The following PRKG1 variants were observed in gnomAD, a reference collection of about 807,000 sequenced individuals.
PRKG1 encodes protein kinase cGMP-dependent 1.
A neutral mutation model predicts 88.1 loss-of-function variants in PRKG1; 35 were observed. The observed-to-expected ratio is 0.40, with a 90% CI of 0.30 to 0.53. The LOEUF (loss-of-function observed/expected upper bound fraction) is 0.53. Ranked by LOEUF, PRKG1 falls within the 20% of genes least tolerant of loss-of-function variation. The pLI, the probability that PRKG1 is intolerant of heterozygous loss-of-function variation, is 0.59. For synonymous variants in PRKG1, 303 were observed against 292.5 expected, an observed-to-expected ratio of 1.04 and a Z score of -0.37; for missense variants, 540 against 839.8, an observed-to-expected ratio of 0.64 and a Z score of 4.41.
intron 2 of PRKG1, among the ~76,000 whole-genome samples, chr10:51,445,698 AGG>A (rs1191562682): frequency 6.6e-6 from 1 of 151,896 alleles, no homozygotes; most frequent in East Asian, 1.9e-4. Flanking sequence ...TTTTAGAAAA[AGG>A]ACATTTTATA....
intron 4 of PRKG1, among the ~76,000 whole-genome samples, chr10:51,822,401 G>A (rs1387555125): frequency 6.6e-6 from 1 of 152,032 alleles, no homozygotes; most frequent in Non-Finnish European, 1.5e-5. Context: ...CGTGAACTGG[G>A]GGTTTATAGG....
At chr10:51,722,210 C>T (rs1414313607) in intron 3 of PRKG1, among the ~76,000 whole-genome samples, 2 of 150,268 alleles carry the variant, frequency 1.3e-5, no homozygotes. Flanking sequence ...GCCTGGGCAA[C>T]AGAGCAAGAC....
chr10:51,891,428 C>T (rs537333953), intron 4 of PRKG1, among the ~76,000 whole-genome samples: 1 of 152,232 alleles, frequency 6.6e-6, no homozygotes, highest in African/African-American at 2.4e-5. Context: ...ATTTTAACAT[C>T]GAATAAGAAC....
intron 5 of PRKG1, among the ~76,000 whole-genome samples, chr10:51,921,860 G>C (rs897896387): frequency 6.6e-6 from 1 of 151,854 alleles, no homozygotes; most frequent in Non-Finnish European, 1.5e-5. Flanking sequence ...GAGAGATGTC[G>C]GTCAGTAGTT....
intron 3 of PRKG1, among the ~76,000 whole-genome samples, chr10:51,524,797 A>G (rs1039997000): frequency 4.1e-4 from 63 of 152,356 alleles, no homozygotes; most frequent in African/African-American, 1.4e-3. Context: ...TACTAACACT[A>G]TGTTTTCTCT....
At chr10:51,141,299 C>A (rs953021002) in intron 1 of PRKG1, among the ~76,000 whole-genome samples, 10 of 152,206 alleles carry the variant, frequency 6.6e-5, no homozygotes, top group Non-Finnish European at 1.5e-4. Flanking sequence ...CTTGGCTTCA[C>A]GGCCTGCCTA....
intron 7 of PRKG1, among the ~76,000 whole-genome samples, chr10:52,077,357 T>C (rs1846655601): frequency 6.6e-6 from 1 of 151,570 alleles, no homozygotes; most frequent in East Asian, 1.9e-4. Flanking sequence ...ATTCTATCTA[T>C]CTAAGATATC....
chr10:51,855,472 A>T (rs1002109977), intron 4 of PRKG1, among the ~76,000 whole-genome samples: 1 of 152,166 alleles, frequency 6.6e-6, no homozygotes, highest in African/African-American at 2.4e-5. Flanking sequence ...GCTCCACTCT[A>T]TGTGAACTGT....
chr10:51,340,376 A>G (rs1326735761), intron 2 of PRKG1, among the ~76,000 whole-genome samples: 1 of 152,134 alleles, frequency 6.6e-6, no homozygotes, highest in Non-Finnish European at 1.5e-5. Flanking sequence ...ACTCATTTCT[A>G]ATCATTTAAT....
In PRKG1 at chr10:51,102,661, T is replaced by C. The variant is rs147377311; in HGVS notation, c.311+27760T>C. Among the ~76,000 whole-genome samples, 8 of 152,232 alleles carry C rather than the reference T, an allele frequency of 5.3e-5. No individual in the cohort carries two copies. In the East Asian group the frequency reaches 1.5e-3, roughly 29 times the overall value. The stretch of plus-strand genomic sequence containing the variant: ...TGGACAAACTCTAAAGGTTTTGACA[T>C]TGAGAGTCCACAAGGAAACACACTA... On this transcript the variant is annotated intron_variant, in intron 1 of 17. Coordinates refer to ENST00000373980, the MANE Select transcript of PRKG1 (RefSeq NM_006258.4).
chr10:51,331,775 T>A (rs1588848626), intron 2 of PRKG1, among the ~76,000 whole-genome samples: 1 of 152,336 alleles, frequency 6.6e-6, no homozygotes, highest in Admixed American at 6.5e-5. Context: ...CACTCCATCA[T>A]CTTTCTCTGC....
chr10:51,471,983 T>A (rs962640764), intron 3 of PRKG1, among the ~76,000 whole-genome samples: 8 of 152,048 alleles, frequency 5.3e-5, no homozygotes, highest in Non-Finnish European at 1.0e-4. Flanking sequence ...AGTATTTAAT[T>A]TTTTTCTTTA....
intron 4 of PRKG1, among the ~76,000 whole-genome samples, chr10:51,873,877 T>A (rs146347692): frequency 1.2e-4 from 19 of 152,318 alleles, no homozygotes; most frequent in African/African-American, 4.3e-4. Flanking sequence ...TTTCCGTAAG[T>A]ATTGACCAAT....
chr10:52,168,070 T>C (rs1254978566), intron 9 of PRKG1, among the ~76,000 whole-genome samples: 3 of 152,216 alleles, frequency 2.0e-5, no homozygotes, highest in Non-Finnish European at 4.4e-5. Context: ...CCTCTTCATA[T>C]GCTTTCATCT....
intron 3 of PRKG1, among the ~76,000 whole-genome samples, chr10:51,476,003 C>T (rs946399979): frequency 1.3e-5 from 2 of 152,018 alleles, no homozygotes; most frequent in African/African-American, 4.8e-5. Context: ...ATACATTTCT[C>T]ACTAATGTAT....
At chr10:51,828,446 G>A (rs1267026013) in intron 4 of PRKG1, among the ~76,000 whole-genome samples, 1 of 152,116 alleles carries the variant, frequency 6.6e-6, no homozygotes, top group African/African-American at 2.4e-5. Context: ...ATTTAAAGTT[G>A]TGTTAGGAAA....
chr10:52,013,117 T>A (rs942234614), intron 5 of PRKG1, among the ~76,000 whole-genome samples: 3 of 151,988 alleles, frequency 2.0e-5, no homozygotes, highest in Non-Finnish European at 4.4e-5. Context: ...AACCAGTGCT[T>A]CAAGAAAGAT....
intron 2 of PRKG1, among the ~76,000 whole-genome samples, chr10:51,440,872 T>A (rs1370169397): frequency 6.6e-6 from 1 of 151,958 alleles, no homozygotes; most frequent in Non-Finnish European, 1.5e-5. Context: ...AAAAATTTCA[T>A]GTAAACAATT....
rs560430894 is a variant in PRKG1, at chr10:52,143,101, G to A, written c.1001+9196G>A. On this transcript the variant is annotated intron_variant, in intron 8 of 17. Transcript: ENST00000373980. ...GACTGGAATAATAAGGGATTACCAA[G>A]TAAGAAGCAAAGAAAGCTTTAGAAC... is the stretch of plus-strand genomic sequence containing the variant. Among the ~76,000 whole-genome samples the A allele has an allele frequency of 3.3e-5, 5 of 152,266 alleles. No individual in the cohort carries two copies. The South Asian group carries it at 1.0e-3, about 32-fold the overall frequency.
Sources: gnomAD v4.1 joint callset for allele counts (sites outside exome capture counted in the v4.1 genomes callset) on GRCh38, gnomAD v4.1.1 for gene constraint, MANE v1.5 for transcripts, NCBI Gene and HGNC (gene_info 2026-07-23, HGNC 2026-07-21) for gene names.